DDC: variants seen among roughly 807,000 people sequenced by gnomAD.
The protein encoded by DDC is dopa decarboxylase.
Under a neutral mutation model 60.0 loss-of-function variants are expected in DDC, and 43 were observed. That is an observed-to-expected ratio of 0.72 (90% CI 0.56 to 0.92). DDC has a LOEUF of 0.92. Ranked by LOEUF, DDC falls within the 40% of genes least tolerant of loss-of-function variation. DDC has a pLI of 0.00. For synonymous variants in DDC, 232 were observed against 234.6 expected (o/e 0.99, Z 0.10); for missense variants, 573 against 620.2 (o/e 0.92, Z 0.81).
At chr7:50,478,308 C>T (rs4329234) in intron 10 of DDC, among the ~76,000 whole-genome samples, 80,225 of 151,852 alleles carry the variant, frequency 0.53, 21,388 homozygotes, top group Non-Finnish European at 0.57. Context: ...CCATCTGATA[C>T]GGTAGCTAGT....
At chr7:50,525,005 A>G (rs944041478) in intron 6 of DDC, among the ~76,000 whole-genome samples, 9 of 152,228 alleles carry the variant, frequency 5.9e-5, no homozygotes, top group African/African-American at 2.2e-4. Flanking sequence ...GCAGCAACGA[A>G]AAGGAACATA....
At chr7:50,522,453 A>G (rs1239318082) in intron 6 of DDC, among the ~76,000 whole-genome samples, 1 of 152,238 alleles carries the variant, frequency 6.6e-6, no homozygotes, top group African/African-American at 2.4e-5. Flanking sequence ...AAGGACCTAG[A>G]ATAGTCAACA....
intron 6 of DDC, among the ~76,000 whole-genome samples, chr7:50,516,085 G>A (rs896421678): frequency 1.3e-5 from 2 of 152,008 alleles, no homozygotes; most frequent in South Asian, 4.1e-4. Context: ...GACTTAACAG[G>A]TATATACAGA....
intron 8 of DDC, among the ~76,000 whole-genome samples, chr7:50,498,818 A>G (rs976982492): frequency 5.3e-5 from 8 of 152,224 alleles, no homozygotes; most frequent in African/African-American, 1.9e-4. Flanking sequence ...GCGGGTTGGT[A>G]TTTTAAATTA....
In DDC at chr7:50,559,312, C is replaced by A. The variant is rs1470747; in HGVS notation, c.-29+5973G>T. ...CACAGTGGGATTCTAACCTTTTCTA[C>A]GAGGTCCTGTGCCCATCGCTGTCCC... On this transcript the variant is annotated intron_variant, in intron 1 of 14. Coordinates refer to ENST00000444124, the MANE Select transcript of DDC (RefSeq NM_001082971.2). Among the ~76,000 whole-genome samples the A allele has an allele frequency of 2.0e-5, 3 of 152,084 alleles. No individual in the cohort carries two copies. In the South Asian group the frequency reaches 6.2e-4, roughly 31 times the overall value.
intron 4 of DDC, among the ~76,000 whole-genome samples, chr7:50,530,931 T>C (rs1372583624): frequency 6.6e-6 from 1 of 152,208 alleles, no homozygotes; most frequent in East Asian, 1.9e-4. Context: ...TCATTTTGAC[T>C]TTGCCTTGAC....
chr7:50,510,057 G>T (rs919999098), intron 6 of DDC, among the ~76,000 whole-genome samples: 5 of 151,778 alleles, frequency 3.3e-5, no homozygotes, highest in Non-Finnish European at 4.4e-5. Flanking sequence ...TGCAAGCTCC[G>T]CCTCCCGGGG....
At chr7:50,559,801 CAAGTT>C (rs1461414033) in intron 1 of DDC, among the ~76,000 whole-genome samples, 3 of 152,212 alleles carry the variant, frequency 2.0e-5, no homozygotes, top group South Asian at 2.1e-4. Context: ...ACTGCTGACT[CAAGTT>C]GAGTGTCTGA....
chr7:50,544,087 G>A lies in DDC; in HGVS notation c.-2C>T. The A allele has an allele frequency of 6.2e-7, 1 of 1,613,990 alleles. No homozygotes were observed. The highest frequency in any genetic ancestry group is 8.5e-7 in the Non-Finnish European group (1 of 1,179,874). ...CCTTCGGAATTCACTTGCGTTCATGGTGTCTGGGCTCTGTCAGAGGTGAAA... is the reference window on the plus strand; with the variant it reads ...CCTTCGGAATTCACTTGCGTTCATGATGTCTGGGCTCTGTCAGAGGTGAAA... On this transcript the variant is annotated 5_prime_UTR_variant, in exon 2 of 15. Transcript: ENST00000444124.
intron 9 of DDC, among the ~76,000 whole-genome samples, chr7:50,486,615 T>C (rs528051756): frequency 1.3e-5 from 2 of 152,192 alleles, no homozygotes; most frequent in Non-Finnish European, 2.9e-5. Context: ...TTCCTCCTCA[T>C]TCACATGTTG....
chr7:50,524,965 A>G (rs2043998760), intron 6 of DDC, among the ~76,000 whole-genome samples: 1 of 152,238 alleles, frequency 6.6e-6, no homozygotes, highest in South Asian at 2.1e-4. Context: ...AAACTGTAGT[A>G]TAGATAACAT....
chr7:50,528,462 G>A (rs983113344), intron 5 of DDC, among the ~76,000 whole-genome samples, 182 bp from the exon 6 acceptor site: 1 of 152,042 alleles, frequency 6.6e-6, no homozygotes, highest in Non-Finnish European at 1.5e-5. Context: ...TTTTTTCCTG[G>A]AGTTGTTTCT....
At chr7:50,484,437 G>A (rs1238198357) in intron 9 of DDC, among the ~76,000 whole-genome samples, 3 of 152,072 alleles carry the variant, frequency 2.0e-5, no homozygotes, top group African/African-American at 4.8e-5. Context: ...AGCTGTGTGT[G>A]GCAAGTTTGG....
intron 1 of DDC, among the ~76,000 whole-genome samples, chr7:50,550,812 G>A (rs888069688): frequency 2.2e-4 from 33 of 152,176 alleles, no homozygotes; most frequent in African/African-American, 7.7e-4. Flanking sequence ...TGAATAGAAT[G>A]GGAGACAGAT....
rs924623344 is a variant in DDC at position 50,466,433 on chromosome 7, C to A, written c.1242+781G>T. On this transcript the variant is annotated intron_variant, in intron 13 of 14. Coordinates refer to ENST00000444124, the MANE Select transcript of DDC (RefSeq NM_001082971.2). ...CCGGGAGGCAGAGGTTGCAGTGAGC[C>A]GAGATTACACCACTGCACTCCAGCC... 1.4e-5 allele frequency among the ~76,000 whole-genome samples: 2 copies of A among 145,632 alleles called. 1 individual carries two copies. The highest frequency in any genetic ancestry group is 3.0e-5 in the Non-Finnish European group (2 of 67,152).
At chr7:50,508,368 C>T (rs2043457435) in intron 6 of DDC, among the ~76,000 whole-genome samples, 1 of 152,198 alleles carries the variant, frequency 6.6e-6, no homozygotes, top group Non-Finnish European at 1.5e-5. Context: ...CAGTTCAGGC[C>T]TCCATCTCAA....
At chr7:50,551,597 T>G (rs573147344) in intron 1 of DDC, among the ~76,000 whole-genome samples, 353 of 152,294 alleles carry the variant, frequency 2.3e-3, no homozygotes, top group Non-Finnish European at 3.7e-3. Context: ...TTTGGATTAC[T>G]TTTTTACTGA....
At chr7:50,500,270 C>T (rs1320207952) in intron 7 of DDC, among the ~76,000 whole-genome samples, 3 of 152,050 alleles carry the variant, frequency 2.0e-5, no homozygotes, top group East Asian at 1.9e-4. Context: ...TGCAATGAGG[C>T]GTGAGACTCT....
intron 11 of DDC, among the ~76,000 whole-genome samples, chr7:50,472,102 C>T (rs892094567): frequency 6.6e-6 from 1 of 152,142 alleles, no homozygotes; most frequent in African/African-American, 2.4e-5. Flanking sequence ...TGCACTGTCC[C>T]CTCCCCCAAT....
Sources: allele counts gnomAD v4.1 joint callset (sites outside exome capture counted in the v4.1 genomes callset), GRCh38; gene constraint gnomAD v4.1.1; transcripts MANE v1.5; gene names NCBI Gene and HGNC (gene_info 2026-07-23, HGNC 2026-07-21).